The following MIB1 variants were observed in gnomAD, a reference collection of about 807,000 sequenced individuals.
MIB1 encodes the protein E3 ubiquitin-protein ligase MIB1.
A neutral mutation model predicts 124.5 loss-of-function variants in MIB1; 278 were observed. That is an observed-to-expected ratio of 2.23 (90% CI 2.02 to 2.47). The LOEUF (loss-of-function observed/expected upper bound fraction) is 2.47, where lower values mean the gene tolerates loss of function less well. MIB1 is among the 30% of genes most tolerant of loss of function. MIB1 has a pLI of 0.00. For synonymous variants in MIB1, 446 were observed against 429.4 expected, an observed-to-expected ratio of 1.04 and a Z score of -0.48; for missense variants, 957 against 1,254.4, an observed-to-expected ratio of 0.76 and a Z score of 3.58.
At chr18:21,743,648 A>G (rs1300637404) in intron 1 of MIB1, among the ~76,000 whole-genome samples, 2 of 151,466 alleles carry the variant, frequency 1.3e-5, no homozygotes, top group Non-Finnish European at 2.9e-5. Context: ...TTTTTTTGAG[A>G]CAGGGTTTTG....
At chr18:21,781,702 C>T (rs975317168) in intron 6 of MIB1, among the ~76,000 whole-genome samples, 2 of 151,754 alleles carry the variant, frequency 1.3e-5, no homozygotes, top group South Asian at 2.1e-4. Flanking sequence ...GGTGAGCCAC[C>T]GCCCCTGGCC....
chr18:21,773,497 T>C, intron 3 of MIB1, 127 bp from the exon 4 acceptor site: 1 of 634,290 alleles, frequency 1.6e-6, no homozygotes, highest in Non-Finnish European at 2.7e-6. Context: ...CAAATAAGTA[T>C]TTTTCATGAT....
chr18:21,768,738 G>A lies in MIB1; in HGVS notation c.517G>A (p.Gly173Arg). 3 of 1,610,454 alleles carry A rather than the reference G, an allele frequency of 1.9e-6. No homozygotes were observed. The highest frequency in any genetic ancestry group is 2.7e-5 in the African/African-American group (2 of 74,936). The change falls in exon 3 of 21, where the codon GGA becomes AGA. Residue 173 changes from glycine to arginine, a missense_variant. Coordinates refer to ENST00000261537, the MANE Select transcript of MIB1 (RefSeq NM_020774.4). Reference protein sequence around the residue: ...WQWEDQDGGNGRRGKVTEIQD... With the variant: ...WQWEDQDGGNRRRGKVTEIQD... ...GTGGGAAGATCAAGATGGAGGAAAT[G>A]GACGTAGGGGAAAGGTACAGTGTTT...
intron 1 of MIB1, among the ~76,000 whole-genome samples, chr18:21,712,415 C>T (rs1231970363): frequency 5.3e-5 from 8 of 152,140 alleles, no homozygotes; most frequent in Admixed American, 5.2e-4. Context: ...GGGATGTCAA[C>T]ACTCCTGTGA....
chr18:21,803,460 AGTTTG>A (rs2041671235), intron 9 of MIB1, among the ~76,000 whole-genome samples: 2 of 152,316 alleles, frequency 1.3e-5, no homozygotes, highest in Admixed American at 6.5e-5. Context: ...TTGTCCTTGC[AGTTTG>A]CCTGCAAGTT....
chr18:21,778,548 G>A (rs1338570840), intron 5 of MIB1, among the ~76,000 whole-genome samples: 1 of 151,920 alleles, frequency 6.6e-6, no homozygotes, highest in Non-Finnish European at 1.5e-5. Context: ...GTCTTCCTAA[G>A]TACAGCTCCA....
chr18:21,800,037 C>A, intron 9 of MIB1, 63 bp downstream of exon 9: 1 of 1,334,592 alleles, frequency 7.5e-7, no homozygotes, highest in Admixed American at 2.1e-5. Context: ...GAACCTTATC[C>A]TCAACAATTA....
At chr18:21,749,891 C>T (rs968760313) in intron 1 of MIB1, among the ~76,000 whole-genome samples, 2 of 152,032 alleles carry the variant, frequency 1.3e-5, no homozygotes, top group Non-Finnish European at 2.9e-5. Flanking sequence ...ATCCACCCAC[C>T]TCAGCTTTCC....
chr18:21,807,035 A>G (rs896683477), intron 10 of MIB1, among the ~76,000 whole-genome samples: 1 of 152,228 alleles, frequency 6.6e-6, no homozygotes, highest in Non-Finnish European at 1.5e-5. Context: ...TTATTTTAAA[A>G]TTCATTATAA....
At chr18:21,794,634 A>G (rs2041553219) in intron 7 of MIB1, among the ~76,000 whole-genome samples, 1 of 152,222 alleles carries the variant, frequency 6.6e-6, no homozygotes. Context: ...GACCCAGAAC[A>G]GCAAACACTG....
chr18:21,778,864 CA>C (rs1257588206), intron 5 of MIB1, among the ~76,000 whole-genome samples: 1 of 151,944 alleles, frequency 6.6e-6, no homozygotes, highest in African/African-American at 2.4e-5. Flanking sequence ...CTTGCTTTCA[CA>C]AAACAAGCTT....
intron 19 of MIB1, among the ~76,000 whole-genome samples, 170 bp from the exon 20 acceptor site, chr18:21,858,376 G>C (rs1332665680): frequency 6.6e-6 from 1 of 152,194 alleles, no homozygotes; most frequent in Non-Finnish European, 1.5e-5. Flanking sequence ...AAATGGAAAA[G>C]TGTAACAGAA....
chr18:21,828,930 A>G (rs78641532), intron 12 of MIB1: 36,209 of 448,436 alleles, frequency 0.081, 1,680 homozygotes, highest in Middle Eastern at 0.15. Flanking sequence ...TTAATTTACC[A>G]TATGACGGTC....
intron 13 of MIB1, 103 bp downstream of exon 13, chr18:21,838,600 G>A (rs1170824322): frequency 2.3e-6 from 2 of 879,598 alleles, no homozygotes; most frequent in Non-Finnish European, 3.4e-6. Context: ...CCTATTAGTA[G>A]GTTCCAGTAA....
In MIB1 at chr18:21,796,147, T is replaced by C. The variant is rs148880451; in HGVS notation, c.1093-1937T>C. Among the ~76,000 whole-genome samples the C allele has an allele frequency of 2.2e-3, 334 of 152,214 alleles. 4 individuals carry two copies. Among genetic ancestry groups the C allele is most frequent in the African/African-American group, 7.8e-3 (323 of 41,550 alleles). ...TTTTTTTCTTGTAAATTTGTTTAAG[T>C]TCCTTGTAGATTCTGGATATTAGAC... is the stretch of plus-strand genomic sequence containing the variant. On this transcript the variant is annotated intron_variant, in intron 7 of 20. Transcript: ENST00000261537.
chr18:21,864,763 A>T lies in MIB1; in HGVS notation c.*97A>T, dbSNP rs2042307915. 1.1e-6 allele frequency: 1 copy of T among 904,704 alleles called. No individual in the cohort carries two copies. Among genetic ancestry groups the T allele is most frequent in the East Asian group, 2.5e-5 (1 of 40,066 alleles). 56.0% of individuals were successfully genotyped at this position (904,704 alleles called of 1,614,324 possible). A position where few individuals can be genotyped will look rare whatever the true frequency, so the allele number is the denominator to read the frequency against. On this transcript the variant is annotated 3_prime_UTR_variant, in exon 21 of 21. Coordinates refer to ENST00000261537, the MANE Select transcript of MIB1 (RefSeq NM_020774.4). ...GGAAGTTCTGATGAGTTAATTTCTAATATCATAGTTTCTTTACTAGAGTAT... is the reference window on the plus strand; with the variant it reads ...GGAAGTTCTGATGAGTTAATTTCTATTATCATAGTTTCTTTACTAGAGTAT...
intron 1 of MIB1, among the ~76,000 whole-genome samples, chr18:21,707,437 AC>A (rs2040644098): frequency 6.6e-6 from 1 of 152,146 alleles, no homozygotes; most frequent in Admixed American, 6.5e-5. Flanking sequence ...AGCAGAGGCA[AC>A]CTACTGGGGT....
chr18:21,859,990 C>T (rs1348974015), intron 20 of MIB1, among the ~76,000 whole-genome samples: 1 of 146,620 alleles, frequency 6.8e-6, no homozygotes, highest in Non-Finnish European at 1.5e-5. Context: ...TAGTAGTCAT[C>T]AGTGGGGGAT....
In MIB1 at chr18:21,866,983, CTTA is replaced by C. The variant is rs1163086169; in HGVS notation, c.*2322_*2324del. ...CTCCAACTCTCTGAATCTGCTACCT[CTTA>C]TTATATGTCCCTTAGCAGTACTTTT... On this transcript the variant is annotated 3_prime_UTR_variant, in exon 21 of 21. Coordinates refer to ENST00000261537, the MANE Select transcript of MIB1 (RefSeq NM_020774.4). 1 of 152,590 alleles carries C rather than the reference CTTA, an allele frequency of 6.6e-6. No homozygotes were observed. Among genetic ancestry groups the C allele is most frequent in the Non-Finnish European group, 1.5e-5 (1 of 68,038 alleles). The allele number at this position is 152,590 out of a possible 1,614,324, so 9.5% of individuals were successfully genotyped here.
Sources: gnomAD v4.1 joint callset for allele counts (sites outside exome capture counted in the v4.1 genomes callset) on GRCh38, gnomAD v4.1.1 for gene constraint, MANE v1.5 for transcripts, NCBI Gene and HGNC (gene_info 2026-07-23, HGNC 2026-07-21) for gene names.